HIPK2: variants seen among roughly 807,000 people sequenced by gnomAD.
The protein encoded by HIPK2 is homeodomain-interacting protein kinase 2.
A neutral mutation model predicts 113.7 loss-of-function variants in HIPK2; 27 were observed. The ratio of observed to expected loss-of-function variants is 0.24; its 90% CI spans 0.17 to 0.33. The LOEUF is 0.33. Ranked by LOEUF, HIPK2 falls within the 10% of genes least tolerant of loss-of-function variation. The pLI, the probability that HIPK2 is intolerant of heterozygous loss-of-function variation, is 1.00. For missense variants in HIPK2, 1,257 were observed against 1,588.0 expected, an observed-to-expected ratio of 0.79 and a Z score of 3.54; for synonymous variants, 631 against 642.2, an observed-to-expected ratio of 0.98 and a Z score of 0.26.
chr7:139,770,037 CCT>C (rs1290662557), intron 1 of HIPK2, among the ~76,000 whole-genome samples: 1 of 152,142 alleles, frequency 6.6e-6, no homozygotes, highest in Admixed American at 6.5e-5. Context: ...CACGAGTTCC[CCT>C]GACACTTACT....
Position 139,716,388 on chromosome 7 carries a change from C to A in HIPK2, c.647G>T (p.Cys216Phe). ...GATCTCATTGGTGCCCCGTTTCCAG[C>A]ACTTGACCACTTGCCCAAACGTCCC... ...GRGTFGQVVK[C>F]WKRGTNEIVA... Residue 216 changes from cysteine (C) to phenylalanine (F), a missense_variant, in exon 2 of 15, where the codon TGC becomes TTC. Cys to Phe is a radical substitution (Grantham distance 205, BLOSUM62 -2). Transcript: ENST00000406875. This position sits in a 1 kb window ranked among gnomAD's most constrained non-coding sequence, Gnocchi z 9.3. The A allele has an allele frequency of 6.2e-7, 1 of 1,614,100 alleles. No individual in the cohort carries two copies. The highest frequency in any genetic ancestry group is 8.5e-7 in the Non-Finnish European group (1 of 1,179,978).
chr7:139,616,553 C>T (rs1188041854), intron 7 of HIPK2, among the ~76,000 whole-genome samples: 2 of 152,234 alleles, frequency 1.3e-5, no homozygotes, highest in Non-Finnish European at 2.9e-5. Context: ...TTCATACAAG[C>T]TCTCTGACCC....
rs754430570 is a variant in HIPK2, at chr7:139,572,892, TCTCCCTCCCTCC to T, written c.*23_*34del. ...CTCTCCCTCCTCCCTCGGGCCATTC[TCTCCCTCCCTCC>T]CTCCCTCCCTCCCCTCCAGTGTTTA... On this transcript the variant is annotated 3_prime_UTR_variant, in exon 15 of 15. Coordinates refer to ENST00000406875, the MANE Select transcript of HIPK2 (RefSeq NM_022740.5). 3.5e-5 allele frequency: 23 copies of T among 655,346 alleles called. 5 individuals are homozygous for T. Among genetic ancestry groups the T allele is most frequent in the African/African-American group, 7.4e-5 (4 of 53,904 alleles). The allele number at this position is 655,346 out of a possible 1,614,324, so 40.6% of individuals were successfully genotyped here. A position where few individuals can be genotyped will look rare whatever the true frequency, so the allele number is the denominator to read the frequency against.
chr7:139,715,864 A>C (rs1795217833), intron 2 of HIPK2, 68 bp downstream of exon 2: 1 of 1,550,418 alleles, frequency 6.4e-7, no homozygotes, highest in Non-Finnish European at 8.7e-7. Context: ...ACAGTGACTA[A>C]GGTGGCACAT....
chr7:139,585,193 A>G (rs565281586), intron 12 of HIPK2, among the ~76,000 whole-genome samples: 4 of 152,346 alleles, frequency 2.6e-5, no homozygotes, highest in African/African-American at 9.6e-5. Flanking sequence ...ACGGAGCCTC[A>G]TAGAGTCACA....
chr7:139,720,461 C>T (rs905285982), intron 1 of HIPK2, among the ~76,000 whole-genome samples: 1 of 152,216 alleles, frequency 6.6e-6, no homozygotes, highest in African/African-American at 2.4e-5. Flanking sequence ...TAGGAATCCT[C>T]GTGCCTGACA....
intron 2 of HIPK2, among the ~76,000 whole-genome samples, chr7:139,646,825 T>C (rs1193046518): frequency 6.6e-6 from 1 of 151,400 alleles, no homozygotes; most frequent in Non-Finnish European, 1.5e-5. Context: ...AGGGAGGGAC[T>C]CTTGAGGGAA....
At position 139,618,653 on chromosome 7, in the gene HIPK2, C is replaced by T. The variant is rs550957826; in HGVS notation, c.1782+1748G>A. On this transcript the variant is annotated intron_variant, in intron 7 of 14. Coordinates refer to ENST00000406875, the MANE Select transcript of HIPK2 (RefSeq NM_022740.5). The stretch of plus-strand genomic sequence containing the variant: ...GGCTGTCATATCACCAGCAAGATGG[C>T]GGTGGCCCCCCACCCCGCGTCTGGT... Among the ~76,000 whole-genome samples the T allele has an allele frequency of 7.2e-5, 11 of 152,254 alleles. No individual in the cohort carries two copies. The South Asian group carries it at 1.5e-3, about 20-fold the overall frequency.
At chr7:139,593,769 C>A (rs1006199415) in intron 12 of HIPK2, among the ~76,000 whole-genome samples, 2 of 152,168 alleles carry the variant, frequency 1.3e-5, no homozygotes, top group African/African-American at 4.8e-5. Flanking sequence ...ATGCCCACAG[C>A]ATGGAGAAAT....
intron 12 of HIPK2, among the ~76,000 whole-genome samples, chr7:139,587,356 T>C (rs966444268): frequency 6.6e-6 from 1 of 151,100 alleles, no homozygotes; most frequent in Non-Finnish European, 1.5e-5. Flanking sequence ...CCGGGAGTGG[T>C]GGTGGGGCCT....
At chr7:139,648,606 C>T (rs1025917795) in intron 2 of HIPK2, among the ~76,000 whole-genome samples, 4 of 152,152 alleles carry the variant, frequency 2.6e-5, no homozygotes, top group Non-Finnish European at 5.9e-5. Flanking sequence ...TGCACCTTCA[C>T]GTCCGGTTAA....
rs766278921 is a variant in HIPK2, at chr7:139,583,863, T to C, written c.2919A>G (p.Lys973=). 13 of 1,613,352 alleles carry C rather than the reference T, an allele frequency of 8.1e-6. No individual in the cohort carries two copies. The East Asian group carries it at 2.9e-4, about 36-fold the overall frequency. Residue 973 remains lysine, a synonymous_variant, in exon 13 of 15, where the codon AAA becomes AAG. Transcript: ENST00000406875. ...NPRTIIVPPL[K]TQASEVLVEC... ...CCACCAATACTTCGCTGGCCTGGGTTTTCAGGGGTGGCACGATGATGGTTC... is the reference window on the plus strand; with the variant it reads ...CCACCAATACTTCGCTGGCCTGGGTCTTCAGGGGTGGCACGATGATGGTTC...
At chr7:139,666,373 C>A (rs1455641985) in intron 2 of HIPK2, among the ~76,000 whole-genome samples, 1 of 152,174 alleles carries the variant, frequency 6.6e-6, no homozygotes, top group Non-Finnish European at 1.5e-5. Context: ...GCCACGAAAG[C>A]ACAGAAGACC....
At chr7:139,628,931 C>T (rs1328712219) in intron 5 of HIPK2, 22 bp downstream of exon 5, 2 of 1,576,764 alleles carry the variant, frequency 1.3e-6, no homozygotes, top group African/African-American at 1.3e-5. Flanking sequence ...GCTTACGTTG[C>T]ATACTCACCC....
intron 7 of HIPK2, 124 bp downstream of exon 7, chr7:139,620,277 C>T (rs1301814377): frequency 7.4e-7 from 1 of 1,358,246 alleles, no homozygotes; most frequent in Non-Finnish European, 1.0e-6. Context: ...GATGCAAATA[C>T]TTTGTTTAGT....
chr7:139,629,079 G>C, intron 4 of HIPK2, 40 bp from the exon 5 acceptor site: 1 of 1,515,112 alleles, frequency 6.6e-7, no homozygotes, highest in South Asian at 1.2e-5. Flanking sequence ...GCGTGACTTA[G>C]CTCCTCATCA....
chr7:139,719,614 T>TA (rs1425645182), intron 1 of HIPK2, among the ~76,000 whole-genome samples: 5 of 152,202 alleles, frequency 3.3e-5, no homozygotes, highest in African/African-American at 1.2e-4. Flanking sequence ...GAACCCCTTA[T>TA]TTTTTCCTAA....
intron 2 of HIPK2, among the ~76,000 whole-genome samples, chr7:139,678,942 T>C (rs1802604017): frequency 6.6e-6 from 1 of 152,222 alleles, no homozygotes; most frequent in Non-Finnish European, 1.5e-5. Context: ...GGGAGTTCAC[T>C]CATGATTTGG....
intron 2 of HIPK2, among the ~76,000 whole-genome samples, chr7:139,677,512 A>G (rs533597341): frequency 6.6e-6 from 1 of 152,262 alleles, no homozygotes; most frequent in Non-Finnish European, 1.5e-5. Flanking sequence ...GAGCCCTCAC[A>G]CAGCGGAAGG....
Sources: allele counts gnomAD v4.1 joint callset (sites outside exome capture counted in the v4.1 genomes callset), GRCh38; gene constraint gnomAD v4.1.1; non-coding constraint Gnocchi (gnomAD v3.1); transcripts MANE v1.5; gene names NCBI Gene and HGNC (gene_info 2026-07-23, HGNC 2026-07-21).